PDS5A: variants seen among roughly 807,000 people sequenced by gnomAD.
The protein encoded by PDS5A is sister chromatid cohesion protein PDS5 homolog A.
PDS5A carries 42 observed loss-of-function variants against 167.1 expected under a neutral mutation model. The ratio of observed to expected loss-of-function variants is 0.25; its 90% CI spans 0.20 to 0.33. The LOEUF is 0.33. PDS5A is among the 10% of genes least tolerant of loss of function. The pLI is 1.00. For missense variants in PDS5A, 1,033 were observed against 1,605.9 expected (o/e 0.64, Z 6.10); for synonymous variants, 553 against 554.6 (o/e 1.00, Z 0.04).
intron 29 of PDS5A, 47 bp from the exon 30 acceptor site, chr4:39,844,848 C>T: frequency 6.5e-7 from 1 of 1,546,332 alleles, no homozygotes; most frequent in Non-Finnish European, 8.7e-7. Context: ...ACGTTTATAC[C>T]TTACCATGTA....
intron 26 of PDS5A, among the ~76,000 whole-genome samples, chr4:39,853,155 G>A (rs1718256651): frequency 6.6e-6 from 1 of 152,078 alleles, no homozygotes; most frequent in African/African-American, 2.4e-5. Flanking sequence ...TGTTCAGGCT[G>A]GTCCTGAAAT....
intron 26 of PDS5A, among the ~76,000 whole-genome samples, chr4:39,852,046 G>C (rs1347143545): frequency 6.6e-6 from 1 of 152,098 alleles, no homozygotes; most frequent in African/African-American, 2.4e-5. Flanking sequence ...ACATAATAGA[G>C]AATTTATTCC....
intron 8 of PDS5A, among the ~76,000 whole-genome samples, chr4:39,914,822 A>G (rs1009697803): frequency 6.6e-6 from 1 of 152,172 alleles, no homozygotes; most frequent in Non-Finnish European, 1.5e-5. Context: ...TTCAAATATA[A>G]TATGTGCCTA....
chr4:39,903,582 T>A (rs1313866861), intron 12 of PDS5A, among the ~76,000 whole-genome samples: 1 of 152,218 alleles, frequency 6.6e-6, no homozygotes, highest in Non-Finnish European at 1.5e-5. Flanking sequence ...GGAAAGTAAC[T>A]AGCAGTTAAC....
At chr4:39,968,709 T>A (rs1578848914) in intron 2 of PDS5A, among the ~76,000 whole-genome samples, 1 of 149,586 alleles carries the variant, frequency 6.7e-6, no homozygotes, top group Non-Finnish European at 1.5e-5. Context: ...TGGGATTACA[T>A]GCATGAGCCA....
chr4:39,895,748 C>T (rs1037970659), intron 16 of PDS5A, among the ~76,000 whole-genome samples: 8 of 152,122 alleles, frequency 5.3e-5, no homozygotes, highest in Admixed American at 2.0e-4. Context: ...GACAGAGTCT[C>T]GCTCTGTCGC....
intron 11 of PDS5A, among the ~76,000 whole-genome samples, chr4:39,905,900 T>C (rs1723291773): frequency 1.3e-5 from 2 of 149,044 alleles, no homozygotes; most frequent in African/African-American, 5.0e-5. Flanking sequence ...GTTAGAAAAA[T>C]TAATGATTCA....
chr4:39,859,462 G>C (rs767926309), intron 26 of PDS5A, among the ~76,000 whole-genome samples: 7 of 152,036 alleles, frequency 4.6e-5, no homozygotes, highest in Admixed American at 6.6e-5. Context: ...ACATTAGTTG[G>C]AACTTCAAAT....
At chr4:39,876,372 T>C (rs1414272823) in intron 19 of PDS5A, among the ~76,000 whole-genome samples, 1 of 152,146 alleles carries the variant, frequency 6.6e-6, no homozygotes, top group Non-Finnish European at 1.5e-5. Flanking sequence ...GCTCACAAAT[T>C]TAATAAAAAC....
intron 26 of PDS5A, among the ~76,000 whole-genome samples, chr4:39,854,434 A>T (rs1718368299): frequency 6.6e-6 from 1 of 152,214 alleles, no homozygotes; most frequent in Non-Finnish European, 1.5e-5. Flanking sequence ...CTGGTTCCTG[A>T]TCATTTTTCC....
At chr4:39,883,716 ATC>A (rs1721162676) in intron 17 of PDS5A, among the ~76,000 whole-genome samples, 1 of 151,874 alleles carries the variant, frequency 6.6e-6, no homozygotes, top group South Asian at 2.1e-4. Context: ...GCTCACTGCA[ATC>A]TCTGCTTCCT....
At chr4:39,874,434 T>G (rs565477075) in intron 19 of PDS5A, 22 bp from the exon 20 acceptor site, 16 of 1,593,422 alleles carry the variant, frequency 1.0e-5, no homozygotes, top group African/African-American at 5.4e-5. Flanking sequence ...AATATAGTTG[T>G]TTTTTTTTCT....
chr4:39,912,852 GCAAT>G (rs1724013303), intron 9 of PDS5A, among the ~76,000 whole-genome samples: 1 of 152,042 alleles, frequency 6.6e-6, no homozygotes, highest in Non-Finnish European at 1.5e-5. Context: ...TGAGTTAATG[GCAAT>G]CATATTTTCC....
chr4:39,867,157 A>C lies in PDS5A; in HGVS notation c.2506-160T>G, dbSNP rs1032720629. The C allele has an allele frequency of 2.3e-5, 13 of 567,894 alleles. No individual in the cohort carries two copies. The Admixed American group carries it at 4.1e-4, about 18-fold the overall frequency. 35.2% of individuals were successfully genotyped at this position (567,894 alleles called of 1,614,324 possible). On this transcript the variant is annotated intron_variant, in intron 22 of 32. Coordinates refer to ENST00000303538, the MANE Select transcript of PDS5A (RefSeq NM_001100399.2). ...ACAGCAACAATACGAACTAATATTT[A>C]CTCTGTGCTTAACCAGTGCCAGGCA... is the stretch of plus-strand genomic sequence containing the variant.
At chr4:39,946,223 G>GA (rs1727751218) in intron 2 of PDS5A, among the ~76,000 whole-genome samples, 1 of 121,592 alleles carries the variant, frequency 8.2e-6, no homozygotes. Context: ...AAAAAAAAAA[G>GA]AAAGAAAAAA....
intron 26 of PDS5A, among the ~76,000 whole-genome samples, chr4:39,861,012 C>T (rs1718941720): frequency 6.6e-6 from 1 of 151,004 alleles, no homozygotes; most frequent in Admixed American, 6.6e-5. Flanking sequence ...TACAATGAGC[C>T]CTGATCACAC....
intron 8 of PDS5A, 77 bp from the exon 9 acceptor site, chr4:39,913,803 AAGATAC>A: frequency 1.2e-6 from 1 of 807,246 alleles, no homozygotes; most frequent in Non-Finnish European, 2.2e-6. Context: ...CATTCTCAAG[AAGATAC>A]TATTTCATAT....
chr4:39,824,088 T>TG lies in PDS5A; in HGVS notation c.*1396dup, dbSNP rs1715068466. On this transcript the variant is annotated 3_prime_UTR_variant, in exon 33 of 33. Transcript: ENST00000303538. ...TTGCGGATGACCCTACAGTGGACAGTGGGGGCAGGATAGAACTCTGGACAT... is the reference window on the plus strand; with the variant it reads ...TTGCGGATGACCCTACAGTGGACAGTGGGGGGCAGGATAGAACTCTGGACAT... 6.6e-6 allele frequency: 1 copy of TG among 152,104 alleles called. No individual in the cohort carries two copies. 9.4% of individuals were successfully genotyped at this position (152,104 alleles called of 1,614,324 possible).
At chr4:39,931,496 G>A (rs145060502) in intron 2 of PDS5A, among the ~76,000 whole-genome samples, 213 of 152,224 alleles carry the variant, frequency 1.4e-3, no homozygotes, top group Admixed American at 2.7e-3. Context: ...GGCTTGACTG[G>A]GCGTGGAGGG....
Sources: allele counts gnomAD v4.1 joint callset (sites outside exome capture counted in the v4.1 genomes callset), GRCh38; gene constraint gnomAD v4.1.1; transcripts MANE v1.5; gene names NCBI Gene and HGNC (gene_info 2026-07-23, HGNC 2026-07-21).